The following LPAR6 variants were observed in gnomAD, a reference collection of about 807,000 sequenced individuals.
LPAR6 encodes G-protein coupled purinergic receptor P2Y5.
A neutral mutation model predicts 22.0 loss-of-function variants in LPAR6; 17 were observed. That is an observed-to-expected ratio of 0.77 (90% CI 0.53 to 1.16). The LOEUF (loss-of-function observed/expected upper bound fraction) is 1.16. Among genes scored for constraint, LPAR6 ranks in the 50% most tolerant of loss-of-function variants. The pLI is 0.00. For synonymous variants in LPAR6, 136 were observed against 139.8 expected (o/e 0.97, Z 0.19); for missense variants, 384 against 406.9 (o/e 0.94, Z 0.48).
intron 1 of LPAR6, among the ~76,000 whole-genome samples, chr13:48,403,809 A>G (rs1566207474): frequency 6.6e-6 from 1 of 152,132 alleles, no homozygotes; most frequent in Non-Finnish European, 1.5e-5. Context: ...TTTTAAGAAC[A>G]TGAAACACCT....
At chr13:48,437,620 G>C (rs1271772103) in intron 1 of LPAR6, among the ~76,000 whole-genome samples, 1 of 152,154 alleles carries the variant, frequency 6.6e-6, no homozygotes, top group Non-Finnish European at 1.5e-5. Flanking sequence ...GTTCTTTGCT[G>C]GCTGATGGCC....
In LPAR6 at chr13:48,436,411, G is replaced by A. The variant is rs1262415628; in HGVS notation, c.-1474+8142C>T. Among the ~76,000 whole-genome samples, 3 of 152,190 alleles carry A rather than the reference G, an allele frequency of 2.0e-5. No individual in the cohort carries two copies. The South Asian group carries it at 6.2e-4, about 32-fold the overall frequency. ...TAATCTCAGCACTTTGAGAGGCCAA[G>A]GCAGGCGGATCACCTGCGGTCAGAA... is the stretch of plus-strand genomic sequence containing the variant. On this transcript the variant is annotated intron_variant, in intron 1 of 6. Transcript: ENST00000378434.
chr13:48,432,719 T>C (rs1483022351), intron 1 of LPAR6, among the ~76,000 whole-genome samples: 1 of 152,194 alleles, frequency 6.6e-6, no homozygotes, highest in Non-Finnish European at 1.5e-5. Flanking sequence ...GTCAATTATT[T>C]GTCCTAACTA....
Position 48,411,589 on chromosome 13 carries a change from T to A in LPAR6, c.835A>T (p.Ile279Phe), listed in dbSNP as rs1948803348. 2 of 1,613,028 alleles carry A rather than the reference T, an allele frequency of 1.2e-6. No homozygotes were observed. Among genetic ancestry groups the A allele is most frequent in the African/African-American group, 2.7e-5 (2 of 74,890 alleles). Residue 279 changes from isoleucine (I) to phenylalanine (F), a missense_variant, in exon 1 of 1, where the codon ATT (isoleucine) becomes TTT (phenylalanine). Transcript: ENST00000620633. ...TCAAAACAACAGTTGGAAACAGCAA[T>A]ACAGAGAGTGATTGGGTACATTGTC... ...VRTMYPITLC[I>F]AVSNCCFDPI...
In LPAR6 at chr13:48,439,952, TTAGA is replaced by T. The variant is rs542347060; in HGVS notation, c.-1474+4597_-1474+4600del. 266 of 152,220 alleles carry T rather than the reference TTAGA, an allele frequency of 1.7e-3. 2 individuals are homozygous for T. Among genetic ancestry groups the T allele is most frequent in the African/African-American group, 6.0e-3 (249 of 41,548 alleles). 9.4% of individuals were successfully genotyped at this position (152,220 alleles called of 1,614,324 possible). On this transcript the variant is annotated intron_variant, in intron 1 of 6. Transcript: ENST00000378434. ...CTTCTTAAGGAGGTGGTGGAGGAGA[TTAGA>T]TAGATACATGCATACATATATACAT...
intron 1 of LPAR6, among the ~76,000 whole-genome samples, chr13:48,442,592 G>A (rs1949249072): frequency 6.6e-6 from 1 of 152,094 alleles, no homozygotes; most frequent in Admixed American, 6.5e-5. Flanking sequence ...TAGAAAGGAG[G>A]AAGACCCTCA....
At chr13:48,396,358 C>A (rs1159324937) in intron 1 of LPAR6, among the ~76,000 whole-genome samples, 1 of 152,148 alleles carries the variant, frequency 6.6e-6, no homozygotes, top group East Asian at 1.9e-4. Flanking sequence ...CTACAACCAT[C>A]TGATTTTTGA....
intron 1 of LPAR6, among the ~76,000 whole-genome samples, chr13:48,433,155 A>G (rs1030116590): frequency 6.6e-6 from 1 of 152,104 alleles, no homozygotes; most frequent in Non-Finnish European, 1.5e-5. Context: ...AAGCTACTAA[A>G]CCTCAGTATT....
downstream of LPAR6, among the ~76,000 whole-genome samples, chr13:48,406,894 A>AAAACAAAC (rs145038330): frequency 6.6e-6 from 1 of 152,000 alleles, no homozygotes. Flanking sequence ...TCTTTCTATT[A>AAAACAAAC]AAACAAACAA....
At chr13:48,405,027 GC>G (rs568281550) in intron 1 of LPAR6, among the ~76,000 whole-genome samples, 88 of 152,140 alleles carry the variant, frequency 5.8e-4, no homozygotes, top group Non-Finnish European at 8.8e-4. Context: ...TCTTTTGACT[GC>G]CCTTTTGAAA....
At chr13:48,395,070 C>T (rs1166868958) in intron 1 of LPAR6, among the ~76,000 whole-genome samples, 1 of 119,192 alleles carries the variant, frequency 8.4e-6, no homozygotes, top group Non-Finnish European at 1.8e-5. Flanking sequence ...AATCTTTGCT[C>T]TTCTGCAACC....
intron 1 of LPAR6, among the ~76,000 whole-genome samples, chr13:48,405,773 A>G (rs1948734284): frequency 1.3e-5 from 2 of 152,174 alleles, no homozygotes; most frequent in Non-Finnish European, 2.9e-5. Context: ...TATTCCTTCT[A>G]TCCCATTTCC....
chr13:48,401,755 T>C (rs1412587106), intron 1 of LPAR6, among the ~76,000 whole-genome samples: 2 of 152,332 alleles, frequency 1.3e-5, no homozygotes, highest in Admixed American at 6.5e-5. Flanking sequence ...AAACGTAGAA[T>C]AGGAAACAGC....
At chr13:48,407,938 T>C (rs575783528), downstream of LPAR6, among the ~76,000 whole-genome samples, 1 of 152,286 alleles carries the variant, frequency 6.6e-6, no homozygotes, top group South Asian at 2.1e-4. Context: ...ATGCTTCTTC[T>C]TGGAAATAGT....
At chr13:48,409,107 T>C (rs1160373033), downstream of LPAR6, among the ~76,000 whole-genome samples, 1 of 151,680 alleles carries the variant, frequency 6.6e-6, no homozygotes, top group Non-Finnish European at 1.5e-5. Flanking sequence ...TAAAGGACCA[T>C]GGTTAGTATC....
chr13:48,410,141 C>T (rs1475788133), downstream of LPAR6, among the ~76,000 whole-genome samples: 1 of 152,004 alleles, frequency 6.6e-6, no homozygotes, highest in Non-Finnish European at 1.5e-5. Flanking sequence ...CTTAAAATGG[C>T]CAGAAGAGTG....
At chr13:48,430,246 TTCAAA>T (rs1340815884), upstream of LPAR6, among the ~76,000 whole-genome samples, 1 of 152,166 alleles carries the variant, frequency 6.6e-6, no homozygotes, top group Non-Finnish European at 1.5e-5. Flanking sequence ...ATTTATCCAC[TTCAAA>T]TCAGTGGAGA....
At chr13:48,393,967 G>C (rs562281221) in intron 1 of LPAR6, among the ~76,000 whole-genome samples, 2 of 152,328 alleles carry the variant, frequency 1.3e-5, no homozygotes, top group East Asian at 3.9e-4. Context: ...TGGCAAGATA[G>C]CCAAATAGGA....
chr13:48,409,620 C>T (rs564555325), downstream of LPAR6, among the ~76,000 whole-genome samples: 5 of 134,586 alleles, frequency 3.7e-5, 1 homozygote, highest in South Asian at 4.6e-4. Flanking sequence ...CTCGCTCTGT[C>T]GCCCGGCTGG....
Sources: allele counts gnomAD v4.1 joint callset (sites outside exome capture counted in the v4.1 genomes callset), GRCh38; gene constraint gnomAD v4.1.1; transcripts MANE v1.5; gene names NCBI Gene and HGNC (gene_info 2026-07-23, HGNC 2026-07-21).